WAPL: variants seen among roughly 807,000 people sequenced by gnomAD.
The protein encoded by WAPL is wings apart-like protein homolog.
A neutral mutation model predicts 121.0 loss-of-function variants in WAPL; 5 were observed. The observed-to-expected ratio is 0.04, with a 90% CI of 0.02 to 0.09. The LOEUF (loss-of-function observed/expected upper bound fraction) is 0.09, where lower values mean the gene tolerates loss of function less well. WAPL is among the 10% of genes least tolerant of loss of function. The pLI, the probability that WAPL is intolerant of heterozygous loss-of-function variation, is 1.00. For missense variants in WAPL, 999 were observed against 1,410.8 expected, an observed-to-expected ratio of 0.71 and a Z score of 4.68; for synonymous variants, 480 against 481.5, an observed-to-expected ratio of 1.00 and a Z score of 0.04.
intron 7 of WAPL, among the ~76,000 whole-genome samples, chr10:86,471,953 ATTTT>A (rs34017842): frequency 6.8e-6 from 1 of 147,786 alleles, no homozygotes. Context: ...CTTTAGCGTA[ATTTT>A]TTTTTTTTTT....
At chr10:86,506,077 C>CA (rs1420530217) in intron 2 of WAPL, among the ~76,000 whole-genome samples, 1 of 151,690 alleles carries the variant, frequency 6.6e-6, no homozygotes, top group Non-Finnish European at 1.5e-5. Context: ...CTACTAAAAT[C>CA]AAAAAAAATT....
intron 4 of WAPL, among the ~76,000 whole-genome samples, chr10:86,483,784 A>ATTT (rs68056280): frequency 7.6e-6 from 1 of 131,364 alleles, no homozygotes; most frequent in Non-Finnish European, 1.6e-5. Flanking sequence ...AAAAAAAAAA[A>ATTT]TTTTTTTTTC....
chr10:86,512,481 TG>T (rs2132231852), intron 2 of WAPL, among the ~76,000 whole-genome samples: 1 of 152,322 alleles, frequency 6.6e-6, no homozygotes, highest in South Asian at 2.1e-4. Context: ...AGATGAGAAA[TG>T]GAAGTAGCCT....
chr10:86,446,362 T>C lies in WAPL; in HGVS notation c.3202A>G (p.Lys1068Glu). The change falls in exon 16 of 19, where the codon AAG (lysine) becomes GAG (glutamate). Residue 1068 changes from lysine (K) to glutamate (E), a missense_variant. Coordinates refer to ENST00000298767, the MANE Select transcript of WAPL (RefSeq NM_015045.5). ...CTTGTTTCTTGCCACTCTCCACTCT[T>C]ATCATGCTGAGTGGTGGGAGCATCT... ...IKDAPTTQHDKSGEWQETSGE... is the reference protein window; with the variant it reads ...IKDAPTTQHDESGEWQETSGE... 3 of 1,614,194 alleles carry C rather than the reference T, an allele frequency of 1.9e-6. No homozygotes were observed. The highest frequency in any genetic ancestry group is 2.5e-6 in the Non-Finnish European group (3 of 1,180,032).
chr10:86,472,369 C>T lies in WAPL; in HGVS notation c.1894-25G>A. 1 of 1,586,020 alleles carries T rather than the reference C, an allele frequency of 6.3e-7. No homozygotes were observed. The highest frequency in any genetic ancestry group is 8.5e-7 in the Non-Finnish European group (1 of 1,173,564). On this transcript the variant is annotated intron_variant, in intron 6 of 18. Coordinates refer to ENST00000298767, the MANE Select transcript of WAPL (RefSeq NM_015045.5). This position sits in a 1 kb window ranked among gnomAD's most constrained non-coding sequence, Gnocchi z 4.2. ...ACTGCCAAGAAAAAAAAAGTTCACCCCTTTTTAACTAGGAACTAGCATATT... is the reference window on the plus strand; with the variant it reads ...ACTGCCAAGAAAAAAAAAGTTCACCTCTTTTTAACTAGGAACTAGCATATT...
intron 4 of WAPL, among the ~76,000 whole-genome samples, chr10:86,482,171 T>C (rs79187396): frequency 0.067 from 10,182 of 152,230 alleles, 649 homozygotes; most frequent in East Asian, 0.38. Flanking sequence ...TATTTAGATA[T>C]AAGTTGAGTA....
At chr10:86,450,460 T>A (rs1840950090) in intron 15 of WAPL, among the ~76,000 whole-genome samples, 1 of 152,170 alleles carries the variant, frequency 6.6e-6, no homozygotes, top group African/African-American at 2.4e-5. Context: ...GGTCTCAAAC[T>A]CCTGAGCTCA....
chr10:86,508,312 C>CT (rs1035343710), intron 2 of WAPL, among the ~76,000 whole-genome samples: 1 of 152,146 alleles, frequency 6.6e-6, no homozygotes, highest in African/African-American at 2.4e-5. Flanking sequence ...TATAAACCAC[C>CT]TTCTCTTATG....
intron 4 of WAPL, among the ~76,000 whole-genome samples, chr10:86,474,284 CG>C (rs773481452): frequency 4.2e-4 from 64 of 151,438 alleles, no homozygotes; most frequent in Middle Eastern, 3.5e-3. Flanking sequence ...GAGGCCAAGG[CG>C]GGTGGATCAC....
intron 17 of WAPL, among the ~76,000 whole-genome samples, chr10:86,439,523 T>C (rs1849409744): frequency 6.6e-6 from 1 of 152,128 alleles, no homozygotes. Flanking sequence ...TCTGAGGCAA[T>C]GGGAGGGACA....
intron 12 of WAPL, among the ~76,000 whole-genome samples, chr10:86,454,921 G>A (rs1311569403): frequency 1.4e-5 from 2 of 145,478 alleles, no homozygotes; most frequent in Admixed American, 6.8e-5. Context: ...GTCTCTGCCC[G>A]GCCACCCCGT....
Position 86,521,112 on chromosome 10 carries a change from AG to A in WAPL, c.-23+252del, listed in dbSNP as rs1271916481. The stretch of plus-strand genomic sequence containing the variant: ...CCAGAGGCGGATGAAACCACGGGAA[AG>A]GACTCGGGGCTGAAATCAACACACT... On this transcript the variant is annotated intron_variant, in intron 1 of 18. Coordinates refer to ENST00000298767, the MANE Select transcript of WAPL (RefSeq NM_015045.5). 3.9e-5 allele frequency among the ~76,000 whole-genome samples: 6 copies of A among 152,358 alleles called. 1 individual carries two copies. Among genetic ancestry groups the A allele is most frequent in the African/African-American group, 1.4e-4 (6 of 41,584 alleles).
Position 86,521,614 on chromosome 10 carries a change from T to G in WAPL, c.-272A>C. 2 of 456,854 alleles carry G rather than the reference T, an allele frequency of 4.4e-6. No individual in the cohort carries two copies. The highest frequency in any genetic ancestry group is 9.0e-6 in the Non-Finnish European group (2 of 222,154). The allele number at this position is 456,854 out of a possible 1,614,324, so 28.3% of individuals were successfully genotyped here. A position where few individuals can be genotyped will look rare whatever the true frequency, so the allele number is the denominator to read the frequency against. Reference sequence around the variant, plus strand: ...AGGCCTAGCTCTCGCTGGCCGCCACTGCTGGAGCTGGTAACAGAGCCTGCT... The same window carrying G: ...AGGCCTAGCTCTCGCTGGCCGCCACGGCTGGAGCTGGTAACAGAGCCTGCT... On this transcript the variant is annotated 5_prime_UTR_variant, in exon 1 of 19. Coordinates refer to ENST00000298767, the MANE Select transcript of WAPL (RefSeq NM_015045.5).
At chr10:86,447,642 T>C (rs1169316969) in intron 15 of WAPL, among the ~76,000 whole-genome samples, 1 of 151,782 alleles carries the variant, frequency 6.6e-6, no homozygotes, top group African/African-American at 2.4e-5. Context: ...GCACAGGAAG[T>C]ATGTGTTTGG....
In WAPL at chr10:86,500,205, G is replaced by A. The variant is rs1842220980; in HGVS notation, c.1038C>T (p.Thr346=). Residue 346 remains threonine (T), a synonymous_variant, in exon 3 of 19, where the codon ACC becomes ACT. Coordinates refer to ENST00000298767, the MANE Select transcript of WAPL (RefSeq NM_015045.5). ...TCCGTCCAACTGTCCCTCTAAAACT[G>A]GTCCCACAACTTACACCCCCTTTCT... The part of the protein sequence containing the change: ...QAKKGGVSCG[T]SFRGTVGRTR... 4 of 1,614,112 alleles carry A rather than the reference G, an allele frequency of 2.5e-6. No homozygotes were observed. The highest frequency in any genetic ancestry group is 1.3e-5 in the African/African-American group (1 of 75,034).
rs562657062 is a variant in WAPL at position 86,481,763 on chromosome 10, G to A, written c.1645-7790C>T. ...TAAAATTGGTTCCCTACAAGGGTGG[G>A]TGACAGACTGGAACACATCTCAGAT... On this transcript the variant is annotated intron_variant, in intron 4 of 18. Coordinates refer to ENST00000298767, the MANE Select transcript of WAPL (RefSeq NM_015045.5). Among the ~76,000 whole-genome samples, 70 of 152,106 alleles carry A rather than the reference G, an allele frequency of 4.6e-4. 3 individuals carry two copies. The South Asian group carries it at 0.015, about 32-fold the overall frequency.
chr10:86,496,795 T>C (rs1842159022), intron 4 of WAPL, among the ~76,000 whole-genome samples: 1 of 152,182 alleles, frequency 6.6e-6, no homozygotes, highest in Non-Finnish European at 1.5e-5. Context: ...ATCTGGTTTA[T>C]GATGGATATT....
At chr10:86,515,947 CCT>C (rs1842548110) in intron 2 of WAPL, among the ~76,000 whole-genome samples, 1 of 133,774 alleles carries the variant, frequency 7.5e-6, no homozygotes, top group Non-Finnish European at 1.5e-5. Flanking sequence ...CTCACTGCAA[CCT>C]CTGTCTCCTG....
At chr10:86,453,129 A>C in intron 14 of WAPL, 91 bp downstream of exon 14, 2 of 971,046 alleles carry the variant, frequency 2.1e-6, no homozygotes, top group Non-Finnish European at 3.1e-6. Flanking sequence ...CAATATATTA[A>C]AGGGTTGGTT....
Sources: gnomAD v4.1 joint callset for allele counts (sites outside exome capture counted in the v4.1 genomes callset) on GRCh38, gnomAD v4.1.1 for gene constraint, Gnocchi (gnomAD v3.1) non-coding constraint, MANE v1.5 for transcripts, NCBI Gene and HGNC (gene_info 2026-07-23, HGNC 2026-07-21) for gene names.